MALRD1: variants seen among roughly 807,000 people sequenced by gnomAD.
The protein encoded by MALRD1 is MAM and LDL-receptor class A domain-containing protein 1.
MALRD1 carries 247 observed loss-of-function variants against 242.1 expected under a neutral mutation model. That is an observed-to-expected ratio of 1.02 (90% confidence interval 0.92 to 1.13). The LOEUF (loss-of-function observed/expected upper bound fraction) is 1.13, where lower values mean the gene tolerates loss of function less well. MALRD1 is among the 50% of genes most tolerant of loss of function. MALRD1 has a pLI of 0.00. For missense variants in MALRD1, 2,989 were observed against 2,533.1 expected, an observed-to-expected ratio of 1.18 and a Z score of -3.86; for synonymous variants, 995 against 866.6, an observed-to-expected ratio of 1.15 and a Z score of -2.60.
intron 29 of MALRD1, among the ~76,000 whole-genome samples, chr10:19,488,395 T>C (rs1837325002): frequency 1.3e-5 from 2 of 152,134 alleles, no homozygotes; most frequent in Admixed American, 6.5e-5. Flanking sequence ...ATAGCTCTTA[T>C]ATGTGATGAT....
intron 10 of MALRD1, among the ~76,000 whole-genome samples, chr10:19,141,276 A>G (rs1393587935): frequency 1.3e-5 from 2 of 152,206 alleles, no homozygotes; most frequent in Non-Finnish European, 2.9e-5. Context: ...GAAATAAGCC[A>G]GAGACAAAAG....
At chr10:19,460,893 G>C (rs1206353370) in intron 29 of MALRD1, among the ~76,000 whole-genome samples, 1 of 152,128 alleles carries the variant, frequency 6.6e-6, no homozygotes, top group African/African-American at 2.4e-5. Flanking sequence ...GGGAATTCCT[G>C]TATGACTTGC....
intron 14 of MALRD1, among the ~76,000 whole-genome samples, chr10:19,175,888 C>G (rs924318922): frequency 1.3e-5 from 2 of 152,102 alleles, no homozygotes; most frequent in African/African-American, 2.4e-5. Flanking sequence ...ATATCAATTA[C>G]AGGCCAGAAA....
intron 31 of MALRD1, among the ~76,000 whole-genome samples, chr10:19,507,023 A>G (rs1030456969): frequency 6.6e-6 from 1 of 152,020 alleles, no homozygotes. Context: ...ACAGATGGTG[A>G]AGGGGGAGCA....
intron 32 of MALRD1, among the ~76,000 whole-genome samples, chr10:19,542,534 GT>G (rs545801470): frequency 1.1e-3 from 171 of 151,478 alleles, no homozygotes; most frequent in African/African-American, 4.0e-3. Flanking sequence ...ATCTCCTGAT[GT>G]TTTTTTTCCA....
chr10:19,240,360 T>A (rs1356940866), intron 18 of MALRD1, among the ~76,000 whole-genome samples: 3 of 152,084 alleles, frequency 2.0e-5, no homozygotes, highest in African/African-American at 4.8e-5. Context: ...TGAATTTATT[T>A]ATTATTTCTA....
At chr10:19,541,283 A>G (rs1370160057) in intron 32 of MALRD1, among the ~76,000 whole-genome samples, 1 of 152,220 alleles carries the variant, frequency 6.6e-6, no homozygotes, top group Admixed American at 6.5e-5. Flanking sequence ...AAAATATTAG[A>G]TAGTATTTAA....
At chr10:19,394,857 G>A (rs1040722360) in intron 28 of MALRD1, among the ~76,000 whole-genome samples, 2 of 152,194 alleles carry the variant, frequency 1.3e-5, no homozygotes, top group East Asian at 1.9e-4. Flanking sequence ...TAATCAGACA[G>A]GTTTTCAAAG....
chr10:19,608,074 A>C (rs1289437129), intron 35 of MALRD1, among the ~76,000 whole-genome samples, 172 bp downstream of exon 35: 1 of 152,150 alleles, frequency 6.6e-6, no homozygotes, highest in Non-Finnish European at 1.5e-5. Flanking sequence ...ACATGTCTAA[A>C]GTATTATAAA....
chr10:19,492,274 A>G (rs962765899), intron 30 of MALRD1, among the ~76,000 whole-genome samples: 3 of 152,072 alleles, frequency 2.0e-5, no homozygotes, highest in Non-Finnish European at 4.4e-5. Context: ...TATTTTTTCC[A>G]TTTATCTTAT....
intron 34 of MALRD1, among the ~76,000 whole-genome samples, chr10:19,599,256 A>T (rs933550651): frequency 2.6e-5 from 4 of 152,162 alleles, no homozygotes; most frequent in Non-Finnish European, 5.9e-5. Context: ...ATCGATAATA[A>T]TTGATATTTA....
Position 19,389,492 on chromosome 10 carries a change from G to GGGT in MALRD1, c.4730_4732dup (p.Gly1577dup), listed in dbSNP as rs1188904023. 1.3e-6 allele frequency: 2 copies of GGGT among 1,550,482 alleles called. No homozygotes were observed. The highest frequency in any genetic ancestry group is 1.7e-6 in the Non-Finnish European group (2 of 1,146,944). ...TGGAAGCTACTGCAGTGGGCCTTCG[G>GGGT]GGTGACAAAGCACACTTCAGGAGTA... On this transcript the variant is annotated inframe_insertion, in exon 28 of 40. Coordinates refer to ENST00000454679, the MANE Select transcript of MALRD1 (RefSeq NM_001142308.3).
At position 19,709,261 on chromosome 10, in the gene MALRD1, A is replaced by T. The variant is rs1482402590; in HGVS notation, c.6314+16707A>T. Among the ~76,000 whole-genome samples, 7 of 150,220 alleles carry T rather than the reference A, an allele frequency of 4.7e-5. No homozygotes were observed. In the East Asian group the frequency reaches 1.2e-3, roughly 25 times the overall value. Reference sequence around the variant, plus strand: ...TCTGTACTAAAAAAAAAAAAAAAAAAAAAAAAATACAAAAATTAGCCAGGC... The same window carrying T: ...TCTGTACTAAAAAAAAAAAAAAAAATAAAAAAATACAAAAATTAGCCAGGC... On this transcript the variant is annotated intron_variant, in intron 38 of 39. Transcript: ENST00000454679.
Position 19,209,255 on chromosome 10 carries a change from A to G in MALRD1, c.2579-13A>G, listed in dbSNP as rs1205790947. 2.7e-6 allele frequency: 4 copies of G among 1,493,856 alleles called. No individual in the cohort carries two copies. The African/African-American group carries it at 5.7e-5, about 21-fold the overall frequency. 92.5% of individuals were successfully genotyped at this position (1,493,856 alleles called of 1,614,324 possible). On this transcript the variant is annotated splice_polypyrimidine_tract_variant and intron_variant, in intron 17 of 39. Transcript: ENST00000454679. ...CCTAATTATCTTTTGCTTTTATTTC[A>G]TGTGAATTTCAGCACCTGAGCTGCA... is the stretch of plus-strand genomic sequence containing the variant.
At chr10:19,166,771 T>G (rs1160753551) in intron 13 of MALRD1, among the ~76,000 whole-genome samples, 1 of 152,216 alleles carries the variant, frequency 6.6e-6, no homozygotes, top group African/African-American at 2.4e-5. Context: ...TGTTCTAATT[T>G]CTACCTTCCT....
chr10:19,320,460 CA>C (rs1216685209), intron 21 of MALRD1, among the ~76,000 whole-genome samples: 43 of 152,170 alleles, frequency 2.8e-4, no homozygotes, highest in African/African-American at 1.0e-3. Context: ...TTTCTTTATC[CA>C]GTCTATCATT....
At chr10:19,271,895 A>G (rs1016633735) in intron 19 of MALRD1, among the ~76,000 whole-genome samples, 11 of 152,208 alleles carry the variant, frequency 7.2e-5, no homozygotes, top group Admixed American at 2.6e-4. Context: ...TCAGTATACT[A>G]CTCACCTTGA....
rs1358497976 is a variant in MALRD1 at position 19,734,354 on chromosome 10, G to T, written c.*117G>T. ...AAAAGAGAAAGGATTGTAAATGCCAGTGTAATTATAACATTTATGAATGAA... is the reference window on the plus strand; with the variant it reads ...AAAAGAGAAAGGATTGTAAATGCCATTGTAATTATAACATTTATGAATGAA... On this transcript the variant is annotated 3_prime_UTR_variant, in exon 40 of 40. Coordinates refer to ENST00000454679, the MANE Select transcript of MALRD1 (RefSeq NM_001142308.3). 1 of 812,316 alleles carries T rather than the reference G, an allele frequency of 1.2e-6. No individual in the cohort carries two copies. Among genetic ancestry groups the T allele is most frequent in the African/African-American group, 1.7e-5 (1 of 57,164 alleles). 50.3% of individuals were successfully genotyped at this position (812,316 alleles called of 1,614,324 possible).
intron 12 of MALRD1, among the ~76,000 whole-genome samples, chr10:19,162,778 G>C (rs2131495188): frequency 6.6e-6 from 1 of 152,168 alleles, no homozygotes; most frequent in East Asian, 1.9e-4. Flanking sequence ...GCTAAAAGCA[G>C]AGCTACTATT....
Sources: gnomAD v4.1 joint callset for allele counts (sites outside exome capture counted in the v4.1 genomes callset) on GRCh38, gnomAD v4.1.1 for gene constraint, MANE v1.5 for transcripts, NCBI Gene and HGNC (gene_info 2026-07-23, HGNC 2026-07-21) for gene names.